APLP2: variants seen among roughly 807,000 people sequenced by gnomAD.
APLP2 encodes the protein CDEI box-binding protein.
Under a neutral mutation model 89.9 loss-of-function variants are expected in APLP2, and 53 were observed. The observed-to-expected ratio is 0.59, with a 90% CI of 0.47 to 0.74. The LOEUF is 0.74. APLP2 is among the 30% of genes least tolerant of loss of function. The pLI is 0.00. For missense variants in APLP2, 973 were observed against 975.9 expected (o/e 1.00, Z 0.04); for synonymous variants, 372 against 348.6 (o/e 1.07, Z -0.75).
At chr11:130,089,574 C>G (rs1230033070) in intron 1 of APLP2, among the ~76,000 whole-genome samples, 1 of 152,220 alleles carries the variant, frequency 6.6e-6, no homozygotes, top group Non-Finnish European at 1.5e-5. Context: ...CCTAAATACA[C>G]ATGTTGAGTC....
At position 130,121,664 on chromosome 11, in the gene APLP2, A is replaced by T. The variant is rs979308203; in HGVS notation, c.567A>T (p.Pro189=). ...TATATAGCTACGGCATGCTGCTCCCATGTGGGGTAGACCAGTTCCATGGCA... is the reference window on the plus strand; with the variant it reads ...TATATAGCTACGGCATGCTGCTCCCTTGTGGGGTAGACCAGTTCCATGGCA... The part of the protein sequence containing the change: ...MTLYSYGMLL[P]CGVDQFHGTE... Residue 189 remains proline (P), a synonymous_variant, in exon 5 of 17, where the codon CCA becomes CCT. Coordinates refer to ENST00000338167, the MANE Select transcript of APLP2 (RefSeq NM_001142276.2). 6.2e-7 allele frequency: 1 copy of T among 1,614,144 alleles called. No individual in the cohort carries two copies. The highest frequency in any genetic ancestry group is 1.3e-5 in the African/African-American group (1 of 75,036).
At chr11:130,128,321 A>G (rs1370923072) in intron 9 of APLP2, among the ~76,000 whole-genome samples, 3 of 152,220 alleles carry the variant, frequency 2.0e-5, no homozygotes, top group Admixed American at 6.5e-5. Flanking sequence ...AATTTCCAGG[A>G]CTGATTTGGT....
At chr11:130,129,842 T>G (rs3819105) in intron 10 of APLP2, among the ~76,000 whole-genome samples, 196 bp from the exon 11 acceptor site, 5 of 152,210 alleles carry the variant, frequency 3.3e-5, no homozygotes, top group Admixed American at 2.0e-4. Context: ...CAGTATAACT[T>G]TGGAACTTAG....
In APLP2 at chr11:130,141,760, G is replaced by A. The variant is rs547632803; in HGVS notation, c.1999-159G>A. 8.4e-5 allele frequency: 81 copies of A among 960,226 alleles called. No homozygotes were observed. Among genetic ancestry groups the A allele is most frequent in the African/African-American group, 4.0e-4 (24 of 60,548 alleles). The allele number at this position is 960,226 out of a possible 1,614,324, so 59.5% of individuals were successfully genotyped here. A position where few individuals can be genotyped will look rare whatever the true frequency, so the allele number is the denominator to read the frequency against. Reference sequence around the variant, plus strand: ...TCCATGGAGATTGGGAAGAGTGGGCGTTCTCCACCTGTGGGTGGTTCCCTG... The same window carrying A: ...TCCATGGAGATTGGGAAGAGTGGGCATTCTCCACCTGTGGGTGGTTCCCTG... On this transcript the variant is annotated intron_variant, in intron 15 of 16. Transcript: ENST00000338167. The surrounding 1 kb of genome is among the most constrained non-coding windows in gnomAD (Gnocchi z 4.2).
Position 130,123,731 on chromosome 11 carries a change from A to T in APLP2, c.1042A>T (p.Asn348Tyr), listed in dbSNP as rs1950082387. The change falls in exon 7 of 17, where the codon AAC becomes TAC. Residue 348 changes from asparagine (N) to tyrosine (Y), a missense_variant. Coordinates refer to ENST00000338167, the MANE Select transcript of APLP2 (RefSeq NM_001142276.2). This position sits in a 1 kb window ranked among gnomAD's most constrained non-coding sequence, Gnocchi z 4.0. ...FIYGGCGGNRNNFESEDYCMA... is the reference protein window; with the variant it reads ...FIYGGCGGNRYNFESEDYCMA... ...ATATGGTGGCTGCGGCGGCAACAGG[A>T]ACAATTTTGAGTCTGAGGATTATTG... The T allele has an allele frequency of 6.2e-7, 1 of 1,614,102 alleles. No individual in the cohort carries two copies. Among genetic ancestry groups the T allele is most frequent in the South Asian group, 1.1e-5 (1 of 91,084 alleles).
At chr11:130,076,185 G>A (rs558304635) in intron 1 of APLP2, among the ~76,000 whole-genome samples, 30 of 152,010 alleles carry the variant, frequency 2.0e-4, no homozygotes, top group African/African-American at 7.0e-4. Context: ...AGCGATTCTC[G>A]TGCCTCATCC....
intron 1 of APLP2, chr11:130,108,706 G>C (rs1489834274): frequency 6.6e-6 from 1 of 152,188 alleles, no homozygotes; most frequent in Non-Finnish European, 1.5e-5. Flanking sequence ...CCATTACTCG[G>C]TATGTACCCA....
intron 12 of APLP2, 133 bp from the exon 13 acceptor site, chr11:130,135,430 C>A (rs959207707): frequency 9.3e-7 from 1 of 1,075,146 alleles, no homozygotes; most frequent in South Asian, 1.6e-5. Flanking sequence ...CTCTGTGGTG[C>A]CACAGAATCA....
intron 13 of APLP2, 38 bp downstream of exon 13, chr11:130,135,753 G>C (rs781285213): frequency 6.2e-7 from 1 of 1,606,848 alleles, no homozygotes; most frequent in African/African-American, 1.3e-5. Flanking sequence ...GGGCAGCAGG[G>C]GGAGGACAAA....
intron 11 of APLP2, 30 bp from the exon 12 acceptor site, chr11:130,133,599 A>G: frequency 6.4e-7 from 1 of 1,573,198 alleles, no homozygotes; most frequent in Non-Finnish European, 8.8e-7. Context: ...TTTCAGTCAC[A>G]ACACCTCTCC....
In APLP2 at chr11:130,124,729, T is replaced by A. The variant is rs565992418; in HGVS notation, c.1090+950T>A. 3.3e-5 allele frequency among the ~76,000 whole-genome samples: 5 copies of A among 152,352 alleles called. No homozygotes were observed. The East Asian group carries it at 9.6e-4, about 29-fold the overall frequency. On this transcript the variant is annotated intron_variant, in intron 7 of 16. Transcript: ENST00000338167. ...TACCAAAAGATCTTTCAAATCTTAA[T>A]GTAATATGGCAGTGCCTTGAGTGCT...
In APLP2 at chr11:130,123,659, C is replaced by T. The variant is rs777973673; in HGVS notation, c.970C>T (p.Pro324Ser). Reference sequence around the variant, plus strand: ...GACGGGGCCCTGCCGGGCCGTGATGCCTCGTTGGTACTTCGACCTCTCCAA... The same window carrying T: ...GACGGGGCCCTGCCGGGCCGTGATGTCTCGTTGGTACTTCGACCTCTCCAA... The part of the protein sequence containing the change: ...AMTGPCRAVM[P>S]RWYFDLSKGK... The change falls in exon 7 of 17, where the codon CCT becomes TCT. Residue 324 changes from proline (P) to serine (S), a missense_variant. Transcript: ENST00000338167. The surrounding 1 kb of genome is among the most constrained non-coding windows in gnomAD (Gnocchi z 4.0). The T allele has an allele frequency of 6.2e-7, 1 of 1,614,268 alleles. No individual in the cohort carries two copies. Among genetic ancestry groups the T allele is most frequent in the Non-Finnish European group, 8.5e-7 (1 of 1,180,044 alleles).
chr11:130,134,875 G>A (rs1410544524), intron 12 of APLP2, among the ~76,000 whole-genome samples: 1 of 152,196 alleles, frequency 6.6e-6, no homozygotes, highest in East Asian at 1.9e-4. Flanking sequence ...GTGGTACCAT[G>A]GCTGACTGAG....
chr11:130,131,084 G>T (rs1161960578), intron 11 of APLP2, among the ~76,000 whole-genome samples: 1 of 152,160 alleles, frequency 6.6e-6, no homozygotes. Context: ...AACTGTAAAG[G>T]TGAAGAGCAG....
chr11:130,117,117 T>C (rs1949279340), intron 3 of APLP2, among the ~76,000 whole-genome samples: 1 of 152,036 alleles, frequency 6.6e-6, no homozygotes, highest in African/African-American at 2.4e-5. Context: ...GGTGATGGTG[T>C]GAGACTCCAT....
At chr11:130,134,038 G>A (rs781062446) in intron 12 of APLP2, among the ~76,000 whole-genome samples, 3 of 152,152 alleles carry the variant, frequency 2.0e-5, no homozygotes, top group African/African-American at 4.8e-5. Context: ...TTCCTCCTTC[G>A]TTCTGATTAT....
intron 3 of APLP2, among the ~76,000 whole-genome samples, chr11:130,114,843 A>G (rs985430539): frequency 6.6e-6 from 1 of 152,110 alleles, no homozygotes; most frequent in Non-Finnish European, 1.5e-5. Flanking sequence ...TGAAAACAAA[A>G]CTGGTCTCGG....
At chr11:130,091,585 T>A (rs1399867234) in intron 1 of APLP2, among the ~76,000 whole-genome samples, 2 of 67,700 alleles carry the variant, frequency 3.0e-5, no homozygotes, top group African/African-American at 5.9e-5. Context: ...GCTGGCCGGG[T>A]GGGGGGGCTG....
intron 1 of APLP2, among the ~76,000 whole-genome samples, chr11:130,088,043 GT>G (rs1460240578): frequency 3.3e-5 from 5 of 152,214 alleles, no homozygotes; most frequent in African/African-American, 1.2e-4. Context: ...CAGCCAAACA[GT>G]TTTTACATGT....
Sources: allele counts gnomAD v4.1 joint callset (sites outside exome capture counted in the v4.1 genomes callset), GRCh38; gene constraint gnomAD v4.1.1; non-coding constraint Gnocchi (gnomAD v3.1); transcripts MANE v1.5; gene names NCBI Gene and HGNC (gene_info 2026-07-23, HGNC 2026-07-21).